CELF2: variants seen among roughly 807,000 people sequenced by gnomAD.
CELF2 encodes the protein CUG triplet repeat RNA-binding protein 2.
CELF2 carries 8 observed loss-of-function variants against 62.6 expected under a neutral mutation model. That is an observed-to-expected ratio of 0.13 (90% CI 0.07 to 0.23). The LOEUF (loss-of-function observed/expected upper bound fraction) is 0.23. Ranked by LOEUF, CELF2 falls within the 10% of genes least tolerant of loss-of-function variation. The pLI is 1.00. For synonymous variants in CELF2, 258 were observed against 250.0 expected, an observed-to-expected ratio of 1.03 and a Z score of -0.30; for missense variants, 333 against 671.0, an observed-to-expected ratio of 0.50 and a Z score of 5.56.
rs77635892 is a variant in CELF2 at position 11,145,063 on chromosome 10, A to G, written c.75-20423A>G. On this transcript the variant is annotated intron_variant, in intron 1 of 12. Coordinates refer to ENST00000633077, the MANE Select transcript of CELF2 (RefSeq NM_001326342.2). This position sits in a 1 kb window ranked among gnomAD's most constrained non-coding sequence, Gnocchi z 4.3. ...TAACTAAATCCATCCACTTAGCATA[A>G]CTGTGTTCCTCCCTGTAATGCAGTA... Among the ~76,000 whole-genome samples the G allele has an allele frequency of 0.012, 1,783 of 152,312 alleles. 30 individuals are homozygous for G. The highest frequency in any genetic ancestry group is 0.041 in the African/African-American group (1,687 of 41,552).
chr10:11,316,337 A>G lies in CELF2; in HGVS notation c.1096+2079A>G, dbSNP rs1243489724. ...TAATTAAACCCAAAACCAGACACCA[A>G]TGAAAATACATTCCTTGTGATTGGA... is the stretch of plus-strand genomic sequence containing the variant. On this transcript the variant is annotated intron_variant, in intron 10 of 12. Transcript: ENST00000633077. This position sits in a 1 kb window ranked among gnomAD's most constrained non-coding sequence, Gnocchi z 4.4. Among the ~76,000 whole-genome samples, 3 of 152,250 alleles carry G rather than the reference A, an allele frequency of 2.0e-5. No individual in the cohort carries two copies. The highest frequency in any genetic ancestry group is 3.8e-4 in the East Asian group (2 of 5,206).
chr10:10,989,150 A>G (rs578159212), intron 2 of CELF2, among the ~76,000 whole-genome samples: 4 of 152,314 alleles, frequency 2.6e-5, no homozygotes, highest in Non-Finnish European at 5.9e-5. Context: ...TTCTAGATGG[A>G]CAGAGCTAGT....
intron 1 of CELF2, among the ~76,000 whole-genome samples, chr10:11,146,257 A>G (rs2062253739): frequency 6.6e-6 from 1 of 152,236 alleles, no homozygotes; most frequent in African/African-American, 2.4e-5. Flanking sequence ...ATGACACCTT[A>G]TTAGCAGTAT....
Position 11,214,504 on chromosome 10 carries a change from G to C in CELF2, c.272-2921G>C, listed in dbSNP as rs2062773117. On this transcript the variant is annotated intron_variant, in intron 2 of 12. Transcript: ENST00000633077. This position sits in a 1 kb window ranked among gnomAD's most constrained non-coding sequence, Gnocchi z 4.2. ...CGTGAATAGAGTAGAAATCCAGGCTGGGATGGGCTTATCAAGCCATGGACT... is the reference window on the plus strand; with the variant it reads ...CGTGAATAGAGTAGAAATCCAGGCTCGGATGGGCTTATCAAGCCATGGACT... Among the ~76,000 whole-genome samples the C allele has an allele frequency of 6.6e-6, 1 of 152,308 alleles. No homozygotes were observed. The highest frequency in any genetic ancestry group is 2.1e-4 in the South Asian group (1 of 4,826).
chr10:10,600,048 T>C, the CELF2 span, among the ~76,000 whole-genome samples: 10 of 152,230 alleles, frequency 6.6e-5, no homozygotes, highest in Non-Finnish European at 1.5e-4. Context: ...CATTTCTTTA[T>C]ATGTCTTAAT....
intron 4 of CELF2, 102 bp from the exon 5 acceptor site, chr10:11,257,636 G>C (rs549453765): frequency 7.4e-7 from 1 of 1,346,404 alleles, no homozygotes; most frequent in East Asian, 2.4e-5. Flanking sequence ...ACACGTGCTT[G>C]GTCTCACATG....
At chr10:10,824,803 T>C (rs754001132) in intron 1 of CELF2, among the ~76,000 whole-genome samples, 2 of 152,212 alleles carry the variant, frequency 1.3e-5, no homozygotes, top group Non-Finnish European at 2.9e-5. Context: ...GAACAATGAA[T>C]TGTTAAGTTG....
chr10:11,262,851 A>T (rs1259848037), intron 5 of CELF2, among the ~76,000 whole-genome samples: 1 of 151,304 alleles, frequency 6.6e-6, no homozygotes, highest in Non-Finnish European at 1.5e-5. Context: ...CTTTCACTTG[A>T]AGTATAGTGG....
chr10:11,133,455 T>C (rs945543772), intron 1 of CELF2, among the ~76,000 whole-genome samples: 2 of 152,228 alleles, frequency 1.3e-5, no homozygotes, highest in Non-Finnish European at 2.9e-5. Context: ...TTTCACAGTT[T>C]AGAGGCCTGT....
chr10:10,638,032 G>T, the CELF2 span, among the ~76,000 whole-genome samples: 1 of 152,142 alleles, frequency 6.6e-6, no homozygotes, highest in South Asian at 2.1e-4. Flanking sequence ...AGAATCTTGA[G>T]AAATACTCAC....
chr10:11,043,050 T>C (rs1469018391), intron 1 of CELF2, among the ~76,000 whole-genome samples: 1 of 152,230 alleles, frequency 6.6e-6, no homozygotes, highest in Admixed American at 6.5e-5. Flanking sequence ...GTGAAGTTGC[T>C]TGGTCATGCA....
At chr10:10,515,442 T>G in the CELF2 span, among the ~76,000 whole-genome samples, 2 of 152,166 alleles carry the variant, frequency 1.3e-5, no homozygotes, top group African/African-American at 4.8e-5. Flanking sequence ...TTTCAAGCAC[T>G]GGTATATAGT....
At chr10:10,775,299 A>G in the CELF2 span, among the ~76,000 whole-genome samples, 16 of 152,142 alleles carry the variant, frequency 1.1e-4, no homozygotes, top group Admixed American at 5.2e-4. Context: ...GAGGCACAGC[A>G]AGGAGGCACT....
the CELF2 span, among the ~76,000 whole-genome samples, chr10:10,546,046 A>C: frequency 1.3e-5 from 2 of 152,168 alleles, no homozygotes; most frequent in African/African-American, 4.8e-5. Flanking sequence ...AGGATATAGG[A>C]CGACGCTGAC....
At chr10:11,083,208 A>C (rs1295416153) in intron 1 of CELF2, among the ~76,000 whole-genome samples, 1 of 152,172 alleles carries the variant, frequency 6.6e-6, no homozygotes, top group African/African-American at 2.4e-5. Context: ...TTTTGGGAAA[A>C]TAAAAATGAA....
At chr10:11,113,811 A>G (rs1199484155) in intron 1 of CELF2, among the ~76,000 whole-genome samples, 1 of 152,188 alleles carries the variant, frequency 6.6e-6, no homozygotes, top group African/African-American at 2.4e-5. Context: ...GGAACACAAG[A>G]AACAAAAGCA....
the CELF2 span, among the ~76,000 whole-genome samples, chr10:10,724,261 C>T: frequency 6.6e-6 from 1 of 152,178 alleles, no homozygotes; most frequent in Non-Finnish European, 1.5e-5. Context: ...GTATTCATTT[C>T]ATGTCCCTTG....
chr10:10,818,546 C>CTTTTTTTTTTTTT (rs3028992), intron 1 of CELF2, among the ~76,000 whole-genome samples: 2 of 116,538 alleles, frequency 1.7e-5, no homozygotes, highest in African/African-American at 3.4e-5. Flanking sequence ...TAAATATTTC[C>CTTTTTTTTTTTTT]TTTTTTTTTT....
rs1174065914 is a variant in CELF2 at position 11,280,709 on chromosome 10, A to G, written c.841+5589A>G. On this transcript the variant is annotated intron_variant, in intron 8 of 12. Coordinates refer to ENST00000633077, the MANE Select transcript of CELF2 (RefSeq NM_001326342.2). This position sits in a 1 kb window ranked among gnomAD's most constrained non-coding sequence, Gnocchi z 7.6. ...ATGGGGCAGGATGGACAGAGGACAC[A>G]TGGGCCACGGCCTCTGCCTGGCTGA... is the stretch of plus-strand genomic sequence containing the variant. Among the ~76,000 whole-genome samples, 5 of 152,290 alleles carry G rather than the reference A, an allele frequency of 3.3e-5. No homozygotes were observed. Among genetic ancestry groups the G allele is most frequent in the Middle Eastern group, 3.4e-3 (1 of 294 alleles).
Sources: allele counts gnomAD v4.1 joint callset (sites outside exome capture counted in the v4.1 genomes callset), GRCh38; gene constraint gnomAD v4.1.1; non-coding constraint Gnocchi (gnomAD v3.1); transcripts MANE v1.5; gene names NCBI Gene and HGNC (gene_info 2026-07-23, HGNC 2026-07-21).